The following LYSMD3 variants were observed in gnomAD, a reference collection of about 807,000 sequenced individuals.
LYSMD3 encodes lysM and putative peptidoglycan-binding domain-containing protein 3.
A neutral mutation model predicts 26.1 loss-of-function variants in LYSMD3; 13 were observed. That is an observed-to-expected ratio of 0.50 (90% confidence interval 0.32 to 0.79). LYSMD3 has a LOEUF of 0.79. LYSMD3 is among the 30% of genes least tolerant of loss of function. The pLI is 0.03. For missense variants in LYSMD3, 331 were observed against 362.5 expected (o/e 0.91, Z 0.71); for synonymous variants, 109 against 119.4 (o/e 0.91, Z 0.57).
Position 90,519,423 on chromosome 5 carries a change from G to A in LYSMD3, c.317C>T (p.Ser106Phe). The A allele has an allele frequency of 1.2e-6, 2 of 1,613,718 alleles. No individual in the cohort carries two copies. Among genetic ancestry groups the A allele is most frequent in the South Asian group, 1.1e-5 (1 of 91,054 alleles). The part of the protein sequence containing the change: ...ISDQDFFALR[S>F]IKIPVKKFSS... ...GAACTTTTTTACTGGAATTTTGATA[G>A]ACCTAAGGGCAAAAAAGTCTTGATC... Residue 106 changes from serine (S) to phenylalanine (F), a missense_variant, in exon 3 of 3, where the codon TCT (serine) becomes TTT (phenylalanine). This residue lies in a region of LYSMD3 where 262 missense variants were observed against 267.3 expected (regional missense o/e 0.98). Transcript: ENST00000315948.
chr5:90,526,214 T>C (rs935924687), intron 1 of LYSMD3, among the ~76,000 whole-genome samples: 3 of 152,178 alleles, frequency 2.0e-5, no homozygotes, highest in African/African-American at 7.2e-5. Context: ...GCCTGCAATA[T>C]AGGTTATGAT....
chr5:90,525,935 C>T (rs1359090539), intron 1 of LYSMD3, among the ~76,000 whole-genome samples: 4 of 152,046 alleles, frequency 2.6e-5, no homozygotes, highest in Admixed American at 2.6e-4. Context: ...AAATTAAATA[C>T]TATAAAATAT....
At chr5:90,522,957 G>T (rs1371638533) in intron 2 of LYSMD3, among the ~76,000 whole-genome samples, 1 of 152,038 alleles carries the variant, frequency 6.6e-6, no homozygotes, top group Non-Finnish European at 1.5e-5. Context: ...AAATTTTCTA[G>T]GTTCATTAAA....
At position 90,525,087 on chromosome 5, in the gene LYSMD3, T is replaced by C; in HGVS notation, c.203A>G (p.Asp68Gly). Residue 68 changes from aspartate to glycine, a missense_variant, in exon 2 of 3, where the codon GAT becomes GGT. By Grantham distance (94) the Asp-to-Gly change is moderately conservative. This residue lies in a region of LYSMD3 where 262 missense variants were observed against 267.3 expected (regional missense o/e 0.98). Transcript: ENST00000315948. ...RLDDIIVLTK[D>G]IQEGDTLNAI... ...ATTTAATGTATCTCCTTCTTGTATA[T>C]CTTTTGTTAATACTATAATGTCGTC... is the stretch of plus-strand genomic sequence containing the variant. 1 of 1,613,394 alleles carries C rather than the reference T, an allele frequency of 6.2e-7. No homozygotes were observed. The highest frequency in any genetic ancestry group is 1.3e-5 in the African/African-American group (1 of 75,046).
In LYSMD3 at chr5:90,525,237, C is replaced by T. The variant is rs766903900; in HGVS notation, c.53G>A (p.Ser18Asn). 7 of 1,613,748 alleles carry T rather than the reference C, an allele frequency of 4.3e-6. No individual in the cohort carries two copies. The highest frequency in any genetic ancestry group is 1.3e-5 in the African/African-American group (1 of 74,986). ...ATTTCCAAATGCATGTACTTGACCA[C>T]TTGACTGAACTCCTGGAAGAGGAAA... is the stretch of plus-strand genomic sequence containing the variant. Reference protein sequence around the residue: ...RSFPLPGVQSSGQVHAFGNCS... With the variant: ...RSFPLPGVQSNGQVHAFGNCS... The change falls in exon 2 of 3, where the codon AGT (serine) becomes AAT (asparagine). Residue 18 changes from serine to asparagine, a missense_variant. Physicochemically the swap from Ser to Asn is conservative, Grantham distance 46. Around this residue, in one of 3 missense-constraint regions of LYSMD3, gnomAD observed 262 missense variants for 267.3 expected, o/e 0.98. Coordinates refer to ENST00000315948, the MANE Select transcript of LYSMD3 (RefSeq NM_198273.2).
intron 1 of LYSMD3, 33 bp downstream of exon 1, chr5:90,529,415 C>T (rs1227017321): frequency 1.1e-5 from 5 of 456,352 alleles, no homozygotes; most frequent in East Asian, 7.0e-5. Context: ...CCTCCTGGAC[C>T]GGGCTACCCT....
In LYSMD3 at chr5:90,525,305, A is replaced by AG; in HGVS notation, c.-11-6dup. 6.4e-7 allele frequency: 1 copy of AG among 1,568,444 alleles called. No homozygotes were observed. ...TCCCTGCCATAATGTTAAAATCTGG[A>AG]GGAAAAAAAAAGCAGAGAAAATTTT... is the stretch of plus-strand genomic sequence containing the variant. On this transcript the variant is annotated splice_polypyrimidine_tract_variant and splice_region_variant and intron_variant, in intron 1 of 2. Coordinates refer to ENST00000315948, the MANE Select transcript of LYSMD3 (RefSeq NM_198273.2).
chr5:90,519,663 G>A (rs1753042374), intron 2 of LYSMD3, among the ~76,000 whole-genome samples, 179 bp from the exon 3 acceptor site: 1 of 152,102 alleles, frequency 6.6e-6, no homozygotes, highest in African/African-American at 2.4e-5. Context: ...CACTTTAGAT[G>A]TACCAATCTT....
chr5:90,523,538 A>G (rs934311343), intron 2 of LYSMD3, among the ~76,000 whole-genome samples: 7 of 152,040 alleles, frequency 4.6e-5, no homozygotes, highest in Admixed American at 3.9e-4. Context: ...TGGGGGGAAG[A>G]TGAAAATATT....
intron 2 of LYSMD3, among the ~76,000 whole-genome samples, chr5:90,521,359 A>G (rs1425572911): frequency 6.6e-6 from 1 of 152,084 alleles, no homozygotes; most frequent in East Asian, 1.9e-4. Context: ...AAACCTGAAA[A>G]GTCAAGGTGG....
chr5:90,517,301 G>C lies in LYSMD3; in HGVS notation c.*1518C>G, dbSNP rs1752973956. 1 of 151,854 alleles carries C rather than the reference G, an allele frequency of 6.6e-6. No homozygotes were observed. Among genetic ancestry groups the C allele is most frequent in the African/African-American group, 2.4e-5 (1 of 41,342 alleles). The allele number at this position is 151,854 out of a possible 1,614,324, so 9.4% of individuals were successfully genotyped here. A position where few individuals can be genotyped will look rare whatever the true frequency, so the allele number is the denominator to read the frequency against. The stretch of plus-strand genomic sequence containing the variant: ...TTTGCCATAAATATTTACTTATTCT[G>C]AGTTAAATTTGAAATATATAAAATG... On this transcript the variant is annotated 3_prime_UTR_variant, in exon 3 of 3. Coordinates refer to ENST00000315948, the MANE Select transcript of LYSMD3 (RefSeq NM_198273.2).
chr5:90,523,361 A>G (rs1426540070), intron 2 of LYSMD3, among the ~76,000 whole-genome samples: 1 of 151,950 alleles, frequency 6.6e-6, no homozygotes. Context: ...AATTATTGCA[A>G]TAGTTGCAAA....
At chr5:90,521,566 A>G (rs1325720504) in intron 2 of LYSMD3, among the ~76,000 whole-genome samples, 2 of 152,126 alleles carry the variant, frequency 1.3e-5, no homozygotes, top group East Asian at 3.9e-4. Context: ...TCATCTTACT[A>G]CCTTCGCACT....
chr5:90,525,519 A>G (rs1259365767), intron 1 of LYSMD3, among the ~76,000 whole-genome samples: 1 of 152,146 alleles, frequency 6.6e-6, no homozygotes, highest in Non-Finnish European at 1.5e-5. Context: ...GTGCGATCTC[A>G]GCTCACTGCA....
chr5:90,524,090 C>T (rs982031439), intron 2 of LYSMD3, among the ~76,000 whole-genome samples: 2 of 152,122 alleles, frequency 1.3e-5, no homozygotes, highest in African/African-American at 2.4e-5. Context: ...ATATTTGCCA[C>T]ACAAGGTAAA....
chr5:90,523,423 T>C (rs1753140917), intron 2 of LYSMD3, among the ~76,000 whole-genome samples: 1 of 151,926 alleles, frequency 6.6e-6, no homozygotes, highest in African/African-American at 2.4e-5. Context: ...AATACATTTA[T>C]ATAATATAAA....
chr5:90,527,411 AT>A (rs71614754), intron 1 of LYSMD3, among the ~76,000 whole-genome samples: 2,863 of 140,632 alleles, frequency 0.02, 29 homozygotes, highest in African/African-American at 0.031. Flanking sequence ...TATTAATGGT[AT>A]TTTTTTTTTT....
At position 90,518,498 on chromosome 5, in the gene LYSMD3, CTT is replaced by C. The variant is rs1277135461; in HGVS notation, c.*319_*320del. On this transcript the variant is annotated 3_prime_UTR_variant, in exon 3 of 3. Coordinates refer to ENST00000315948, the MANE Select transcript of LYSMD3 (RefSeq NM_198273.2). ...GCATCATAAATTTAACATTAATAAA[CTT>C]TTTAAAAATTACTTAAAAAAATAAA... 4.7e-6 allele frequency: 1 copy of C among 210,834 alleles called. No individual in the cohort carries two copies. Among genetic ancestry groups the C allele is most frequent in the East Asian group, 1.1e-4 (1 of 9,118 alleles). 13.1% of individuals were successfully genotyped at this position (210,834 alleles called of 1,614,324 possible).
At chr5:90,522,384 G>A (rs562759096) in intron 2 of LYSMD3, among the ~76,000 whole-genome samples, 49 of 152,312 alleles carry the variant, frequency 3.2e-4, no homozygotes, top group African/African-American at 1.2e-3. Context: ...TTATAGCAAT[G>A]TGAACACAGA....
Sources: allele counts gnomAD v4.1 joint callset (sites outside exome capture counted in the v4.1 genomes callset), GRCh38; gene constraint gnomAD v4.1.1; regional missense constraint gnomAD v4.1.1; transcripts MANE v1.5; gene names NCBI Gene and HGNC (gene_info 2026-07-23, HGNC 2026-07-21).